The following PCNX1 variants were observed in gnomAD, a reference collection of about 807,000 sequenced individuals.
The protein encoded by PCNX1 is pecanex 1, also known as pecanex-like protein 1.
PCNX1 carries 78 observed loss-of-function variants against 242.2 expected under a neutral mutation model. That is an observed-to-expected ratio of 0.32 (90% CI 0.27 to 0.39). The LOEUF is 0.39. Among genes scored for constraint, PCNX1 ranks in the 10% least tolerant of loss-of-function variants. PCNX1 has a pLI of 1.00. For synonymous variants in PCNX1, 1,024 were observed against 1,032.9 expected (o/e 0.99, Z 0.17); for missense variants, 2,581 against 2,856.5 (o/e 0.90, Z 2.20).
chr14:70,915,470 A>G (rs1411251762), intron 1 of PCNX1, among the ~76,000 whole-genome samples: 1 of 152,228 alleles, frequency 6.6e-6, no homozygotes, highest in Admixed American at 6.5e-5. Flanking sequence ...GGAGTTTTAA[A>G]TACTACTTTG....
intron 4 of PCNX1, 89 bp downstream of exon 4, chr14:70,968,332 A>G (rs1434052090): frequency 1.4e-5 from 10 of 723,408 alleles, no homozygotes; most frequent in South Asian, 4.1e-5. Context: ...TTCAAATGTA[A>G]TGAAAAAAAT....
chr14:70,965,994 A>G (rs1229691146), intron 3 of PCNX1, among the ~76,000 whole-genome samples: 2 of 152,220 alleles, frequency 1.3e-5, no homozygotes, highest in Admixed American at 6.5e-5. Flanking sequence ...AGGAAATTTA[A>G]TGAGTGAGGG....
At position 71,017,841 on chromosome 14, in the gene PCNX1, T is replaced by C. The variant is rs1293213294; in HGVS notation, c.2997-1168T>C. ...TTGGTTTGGAAATACTATTGAACTT[T>C]TTTATCTGGTAGAACTATTAAATGT... On this transcript the variant is annotated intron_variant, in intron 11 of 35. Transcript: ENST00000304743. Among the ~76,000 whole-genome samples, 5 of 152,202 alleles carry C rather than the reference T, an allele frequency of 3.3e-5. No individual in the cohort carries two copies. In the East Asian group the frequency reaches 9.6e-4, roughly 29 times the overall value.
intron 19 of PCNX1, among the ~76,000 whole-genome samples, chr14:71,036,913 C>T (rs1217210900): frequency 6.6e-6 from 1 of 152,102 alleles, no homozygotes; most frequent in Non-Finnish European, 1.5e-5. Context: ...ATTCTTCCTA[C>T]CCATGAGCAT....
At chr14:71,003,080 C>CCTTTTTTT (rs2059552444) in intron 8 of PCNX1, among the ~76,000 whole-genome samples, 1 of 95,474 alleles carries the variant, frequency 1.0e-5, no homozygotes, top group African/African-American at 4.7e-5. Context: ...TGGTTGTCTT[C>CCTTTTTTT]TTTTTTTTTT....
At chr14:70,968,021 C>G (rs2058432738) in intron 3 of PCNX1, among the ~76,000 whole-genome samples, 177 bp from the exon 4 acceptor site, 1 of 152,110 alleles carries the variant, frequency 6.6e-6, no homozygotes, top group African/African-American at 2.4e-5. Flanking sequence ...TGTGCCGCAG[C>G]CAACAGGTTG....
intron 19 of PCNX1, among the ~76,000 whole-genome samples, chr14:71,044,010 G>C (rs961551605): frequency 1.3e-5 from 2 of 152,168 alleles, no homozygotes; most frequent in Non-Finnish European, 2.9e-5. Context: ...TATATCTATA[G>C]TGTTGATTGG....
At position 70,988,674 on chromosome 14, in the gene PCNX1, A is replaced by G. The variant is rs1297760263; in HGVS notation, c.2419A>G (p.Thr807Ala). ...HNAGSNPTPP[T>A]LLIGSPLSLQ... ...TGCAGGGAGTAACCCTACCCCTCCT[A>G]CATTGCTCATCGGATCACCCCTAAG... Residue 807 changes from threonine (T) to alanine (A), a missense_variant, in exon 7 of 36, where the codon ACA becomes GCA. By Grantham distance (58) the Thr-to-Ala change is moderately conservative. This residue lies in a region of PCNX1 where 1,204 missense variants were observed against 1,216.7 expected (regional missense o/e 0.99). Transcript: ENST00000304743. 2.5e-6 allele frequency: 4 copies of G among 1,613,846 alleles called. No homozygotes were observed. The highest frequency in any genetic ancestry group is 1.7e-5 in the Admixed American group (1 of 60,006).
chr14:71,018,559 C>T (rs1378516019), intron 11 of PCNX1, among the ~76,000 whole-genome samples: 1 of 151,912 alleles, frequency 6.6e-6, no homozygotes. Flanking sequence ...CAATTAGTGC[C>T]AGAATTTTGT....
chr14:70,963,225 T>G (rs1474332740), intron 3 of PCNX1, among the ~76,000 whole-genome samples: 1 of 152,204 alleles, frequency 6.6e-6, no homozygotes, highest in African/African-American at 2.4e-5. Flanking sequence ...CTTGTAACTA[T>G]CCTACATTTC....
At chr14:70,923,386 TA>T (rs889470778) in intron 1 of PCNX1, among the ~76,000 whole-genome samples, 2 of 152,212 alleles carry the variant, frequency 1.3e-5, no homozygotes, top group African/African-American at 4.8e-5. Flanking sequence ...TGTTTTTGTC[TA>T]ATATCTATTA....
At chr14:71,074,861 G>T (rs1311605672) in intron 27 of PCNX1, among the ~76,000 whole-genome samples, 1 of 152,154 alleles carries the variant, frequency 6.6e-6, no homozygotes, top group African/African-American at 2.4e-5. Context: ...TTGCTAAAGA[G>T]TTTACAGAAA....
chr14:71,012,780 C>G (rs959019969), intron 10 of PCNX1: 3 of 484,192 alleles, frequency 6.2e-6, no homozygotes, highest in Non-Finnish European at 1.1e-5. Context: ...TGCAGTGAGC[C>G]GAGATTGCAC....
intron 28 of PCNX1, 34 bp from the exon 29 acceptor site, chr14:71,088,296 T>A: frequency 8.0e-7 from 1 of 1,256,262 alleles, no homozygotes; most frequent in Non-Finnish European, 1.2e-6. Context: ...CTTACATACC[T>A]TTCTGATAAC....
rs902114074 is a variant in PCNX1 at position 71,113,121 on chromosome 14, G to A, written c.*3186G>A. ...AAGATGTTGATATTTAAGGAACTTG[G>A]AAGAGTAAGTGGTGAGGCTGTATGT... On this transcript the variant is annotated 3_prime_UTR_variant, in exon 36 of 36. Coordinates refer to ENST00000304743, the MANE Select transcript of PCNX1 (RefSeq NM_014982.3). 6.6e-6 allele frequency: 1 copy of A among 152,170 alleles called. No individual in the cohort carries two copies. The highest frequency in any genetic ancestry group is 1.5e-5 in the Non-Finnish European group (1 of 68,018). 9.4% of individuals were successfully genotyped at this position (152,170 alleles called of 1,614,324 possible). A position where few individuals can be genotyped will look rare whatever the true frequency, so the allele number is the denominator to read the frequency against.
intron 12 of PCNX1, among the ~76,000 whole-genome samples, chr14:71,019,413 G>T (rs539716553): frequency 6.6e-6 from 1 of 152,172 alleles, no homozygotes; most frequent in East Asian, 1.9e-4. Context: ...GTTTTATTTT[G>T]TTTTTTGGAG....
intron 30 of PCNX1, among the ~76,000 whole-genome samples, chr14:71,091,568 T>C (rs1371724343): frequency 6.6e-6 from 1 of 152,098 alleles, no homozygotes; most frequent in Non-Finnish European, 1.5e-5. Flanking sequence ...GAAATACCAA[T>C]AAAATAAGAC....
intron 30 of PCNX1, among the ~76,000 whole-genome samples, chr14:71,096,496 T>G (rs1184687607): frequency 2.0e-5 from 3 of 152,082 alleles, no homozygotes; most frequent in Non-Finnish European, 4.4e-5. Flanking sequence ...GAAAAATAAA[T>G]TACTATGCCT....
chr14:70,909,066 C>A (rs1162219341), intron 1 of PCNX1, among the ~76,000 whole-genome samples: 3 of 152,098 alleles, frequency 2.0e-5, no homozygotes, highest in Non-Finnish European at 2.9e-5. Context: ...CTTTGTGGAG[C>A]TAGAGACAGG....
Sources: gnomAD v4.1 joint callset for allele counts (sites outside exome capture counted in the v4.1 genomes callset) on GRCh38, gnomAD v4.1.1 for gene constraint, gnomAD v4.1.1 regional missense constraint, MANE v1.5 for transcripts, NCBI Gene and HGNC (gene_info 2026-07-23, HGNC 2026-07-21) for gene names.